STARD13: variants seen among roughly 807,000 people sequenced by gnomAD.
STARD13 encodes the protein StAR related lipid transfer domain containing 13.
STARD13 carries 62 observed loss-of-function variants against 106.4 expected under a neutral mutation model. That is an observed-to-expected ratio of 0.58 (90% confidence interval 0.48 to 0.72). The LOEUF (loss-of-function observed/expected upper bound fraction) is 0.72, where lower values mean the gene tolerates loss of function less well. Among genes scored for constraint, STARD13 ranks in the 30% least tolerant of loss-of-function variants. STARD13 has a pLI of 0.00. For synonymous variants in STARD13, 565 were observed against 553.0 expected, an observed-to-expected ratio of 1.02 and a Z score of -0.31; for missense variants, 1,387 against 1,424.0, an observed-to-expected ratio of 0.97 and a Z score of 0.42.
chr13:33,408,750 C>G, the STARD13 span, among the ~76,000 whole-genome samples: 1 of 152,104 alleles, frequency 6.6e-6, no homozygotes, highest in East Asian at 1.9e-4. Flanking sequence ...TTTCCTCTCT[C>G]TCCTCCTGTC....
chr13:33,438,946 A>G, the STARD13 span, among the ~76,000 whole-genome samples: 1 of 152,254 alleles, frequency 6.6e-6, no homozygotes, highest in Non-Finnish European at 1.5e-5. Flanking sequence ...ATATAAACTC[A>G]GAGAAAAGTG....
the STARD13 span, among the ~76,000 whole-genome samples, chr13:33,413,562 G>A: frequency 6.6e-5 from 10 of 152,146 alleles, no homozygotes; most frequent in African/African-American, 2.4e-5. Context: ...CAGAGAGGGA[G>A]GCCATATTTC....
At chr13:33,394,226 C>G in the STARD13 span, among the ~76,000 whole-genome samples, 2 of 151,160 alleles carry the variant, frequency 1.3e-5, no homozygotes, top group Admixed American at 6.6e-5. Context: ...TTTCTATCAA[C>G]TATCCCTGGG....
chr13:33,366,807 C>T, the STARD13 span, among the ~76,000 whole-genome samples: 4 of 152,214 alleles, frequency 2.6e-5, no homozygotes, highest in African/African-American at 9.7e-5. The surrounding 1 kb of genome is among the most constrained non-coding windows in gnomAD (Gnocchi z 4.2). Context: ...CACGTTTGTA[C>T]AGTCCTACGA....
intron 1 of STARD13, among the ~76,000 whole-genome samples, chr13:33,173,472 CA>C (rs1259728800): frequency 6.6e-6 from 1 of 152,164 alleles, no homozygotes; most frequent in Non-Finnish European, 1.5e-5. Flanking sequence ...GTGACAGATA[CA>C]GGAAGGAATG....
At chr13:33,331,594 G>A (rs1240058946) in intron 1 of STARD13, among the ~76,000 whole-genome samples, 1 of 146,010 alleles carries the variant, frequency 6.8e-6, no homozygotes, top group Non-Finnish European at 1.5e-5. Flanking sequence ...TCGAACTCCT[G>A]ACCTTAGGTG....
intron 1 of STARD13, among the ~76,000 whole-genome samples, chr13:33,200,908 C>T (rs1055541883): frequency 6.6e-6 from 1 of 151,916 alleles, no homozygotes; most frequent in African/African-American, 2.4e-5. Flanking sequence ...CGCCTGTGGT[C>T]CCAGCTACTC....
At chr13:33,494,271 C>T in the STARD13 span, among the ~76,000 whole-genome samples, 2 of 152,152 alleles carry the variant, frequency 1.3e-5, no homozygotes, top group African/African-American at 4.8e-5. Context: ...AACTCCACCC[C>T]CACCCGGGGC....
rs1881009876 is a variant in STARD13, at chr13:33,149,680, A to C, written c.324-7307T>G. 2.0e-5 allele frequency among the ~76,000 whole-genome samples: 3 copies of C among 152,246 alleles called. 1 individual carries two copies. The highest frequency in any genetic ancestry group is 4.1e-4 in the South Asian group (2 of 4,836). ...ACGGTATAGCATTGGCCTGTGATTT[A>C]GCTTACACAAGGTAAAATAAACAAT... On this transcript the variant is annotated intron_variant, in intron 3 of 13. Transcript: ENST00000336934.
At chr13:33,224,939 T>C (rs1888544629) in intron 1 of STARD13, among the ~76,000 whole-genome samples, 1 of 152,136 alleles carries the variant, frequency 6.6e-6, no homozygotes, top group Admixed American at 6.6e-5. Flanking sequence ...CAGGAACAAA[T>C]GACAGTAAAA....
chr13:33,127,360 A>G lies in STARD13; in HGVS notation c.1922+13T>C. 6.4e-7 allele frequency: 1 copy of G among 1,557,060 alleles called. No individual in the cohort carries two copies. The highest frequency in any genetic ancestry group is 8.7e-7 in the Non-Finnish European group (1 of 1,152,986). On this transcript the variant is annotated intron_variant, in intron 6 of 13. Transcript: ENST00000336934. ...GAGCCAAGGATCCCCTCCTAGGTGA[A>G]TGTGCTACGCACCATGTCCAGCCGT...
At chr13:33,161,530 G>T (rs184973957) in intron 3 of STARD13, among the ~76,000 whole-genome samples, 114 of 152,160 alleles carry the variant, frequency 7.5e-4, no homozygotes, top group Non-Finnish European at 1.2e-3. Context: ...GCCCAGGCTG[G>T]TCTCAAACTC....
chr13:33,320,940 C>A (rs1893537154), intron 1 of STARD13, among the ~76,000 whole-genome samples: 1 of 152,280 alleles, frequency 6.6e-6, no homozygotes, highest in East Asian at 1.9e-4. Context: ...ATTAACATAT[C>A]ATTGAAGGTT....
the STARD13 span, among the ~76,000 whole-genome samples, chr13:33,468,895 G>A: frequency 1.3e-5 from 2 of 152,180 alleles, no homozygotes; most frequent in African/African-American, 4.8e-5. Flanking sequence ...TCTCCTTCAT[G>A]TTCCACTGGC....
At chr13:33,464,254 C>T in the STARD13 span, among the ~76,000 whole-genome samples, 6 of 151,902 alleles carry the variant, frequency 3.9e-5, no homozygotes, top group South Asian at 1.2e-3. Flanking sequence ...TTTTATTATA[C>T]TAGTCTCTAT....
the STARD13 span, among the ~76,000 whole-genome samples, chr13:33,591,440 G>A: frequency 6.6e-6 from 1 of 152,148 alleles, no homozygotes; most frequent in Admixed American, 6.5e-5. Context: ...CATAATATAA[G>A]TTCTTGTCTT....
intron 1 of STARD13, chr13:33,281,086 C>T (rs1373826185): frequency 1.3e-5 from 2 of 152,160 alleles, no homozygotes; most frequent in Non-Finnish European, 2.9e-5. Flanking sequence ...CAAAGAGTTG[C>T]TGACTTAACC....
In STARD13 at chr13:33,312,492, G is replaced by A. The variant is rs143491907; in HGVS notation, c.124+37798C>T. Among the ~76,000 whole-genome samples the A allele has an allele frequency of 1.8e-4, 27 of 152,044 alleles. No homozygotes were observed. The South Asian group carries it at 2.3e-3, about 13-fold the overall frequency. On this transcript the variant is annotated intron_variant, in intron 1 of 5. Transcript: ENST00000567873. ...CCCCACCCCCATCCTCTCATTTTGC[G>A]TGACTCTACATTTCCACATTTGTGC...
downstream of STARD13, among the ~76,000 whole-genome samples, chr13:33,344,427 G>A (rs189189966): frequency 4.6e-5 from 7 of 152,234 alleles, no homozygotes; most frequent in East Asian, 1.9e-4. Context: ...ATGATAAAAC[G>A]GATATAAAAT....
Sources: allele counts gnomAD v4.1 joint callset (sites outside exome capture counted in the v4.1 genomes callset), GRCh38; gene constraint gnomAD v4.1.1; non-coding constraint Gnocchi (gnomAD v3.1); transcripts MANE v1.5; gene names NCBI Gene and HGNC (gene_info 2026-07-23, HGNC 2026-07-21).